EAPP: variants seen among roughly 807,000 people sequenced by gnomAD.
EAPP encodes the protein E2F-associated phosphoprotein.
A neutral mutation model predicts 34.3 loss-of-function variants in EAPP; 38 were observed. That is an observed-to-expected ratio of 1.11 (90% CI 0.85 to 1.45). The LOEUF (loss-of-function observed/expected upper bound fraction) is 1.45, where lower values mean the gene tolerates loss of function less well. Among genes scored for constraint, EAPP ranks in the 40% most tolerant of loss-of-function variants. The pLI, the probability that EAPP is intolerant of heterozygous loss-of-function variation, is 0.00. For synonymous variants in EAPP, 113 were observed against 117.6 expected (o/e 0.96, Z 0.25); for missense variants, 338 against 343.7 (o/e 0.98, Z 0.13).
intron 4 of EAPP, among the ~76,000 whole-genome samples, chr14:34,527,260 G>C (rs900015866): frequency 1.3e-5 from 2 of 151,598 alleles, no homozygotes; most frequent in African/African-American, 4.8e-5. Flanking sequence ...CTGGGGCCAG[G>C]AGTTCAAGAT....
At chr14:34,525,836 G>A (rs1313949847) in intron 4 of EAPP, among the ~76,000 whole-genome samples, 2 of 151,660 alleles carry the variant, frequency 1.3e-5, no homozygotes, top group Non-Finnish European at 2.9e-5. Context: ...TGGCCAACAT[G>A]GTGAAACCCC....
At chr14:34,531,618 T>TAAAC (rs1349020290) in intron 3 of EAPP, among the ~76,000 whole-genome samples, 1 of 151,486 alleles carries the variant, frequency 6.6e-6, no homozygotes, top group Non-Finnish European at 1.5e-5. Context: ...AATAAATAAA[T>TAAAC]AAACAAACAC....
At chr14:34,517,020 C>T (rs532258045) in intron 5 of EAPP, among the ~76,000 whole-genome samples, 2 of 150,934 alleles carry the variant, frequency 1.3e-5, no homozygotes, top group African/African-American at 4.9e-5. Flanking sequence ...TCACTGCAAG[C>T]TCCGTCTCCT....
Position 34,524,754 on chromosome 14 carries a change from C to G in EAPP, c.524G>C (p.Ser175Thr). The change falls in exon 5 of 6, where the codon AGT becomes ACT. Residue 175 changes from serine to threonine, a missense_variant. Coordinates refer to ENST00000250454, the MANE Select transcript of EAPP (RefSeq NM_018453.4). Reference sequence around the variant, plus strand: ...GGCAGGACAATTCAAGACAGCATCACTATTTGGAACAGGCTGTTGTTGACG... The same window carrying G: ...GGCAGGACAATTCAAGACAGCATCAGTATTTGGAACAGGCTGTTGTTGACG... The part of the protein sequence containing the change: ...RSRQQQPVPN[S>T]DAVLNCPACM... 1 of 1,612,698 alleles carries G rather than the reference C, an allele frequency of 6.2e-7. No individual in the cohort carries two copies. Among genetic ancestry groups the G allele is most frequent in the Non-Finnish European group, 8.5e-7 (1 of 1,179,748 alleles).
chr14:34,529,574 AT>A, intron 3 of EAPP, 99 bp from the exon 4 acceptor site: 1 of 983,924 alleles, frequency 1.0e-6, no homozygotes, highest in East Asian at 2.5e-5. Context: ...ATTTATTTAT[AT>A]TTTCCCTAAA....
intron 5 of EAPP, among the ~76,000 whole-genome samples, chr14:34,521,635 CTTTTTTTT>C (rs34835280): frequency 1.5e-5 from 2 of 129,702 alleles, no homozygotes; most frequent in Non-Finnish European, 3.2e-5. Context: ...TCCCAGATTT[CTTTTTTTT>C]TTTTTTTTTT....
rs1880196625 is a variant in EAPP at position 34,529,220 on chromosome 14, G to GT, written c.470+137dup. On this transcript the variant is annotated intron_variant, in intron 4 of 5. Transcript: ENST00000250454. Reference sequence around the variant, plus strand: ...TATTTTCAAAATAAACTACTGAGCAGTTTTTTCCTCTAACTTTTTTGTTTG... The same window carrying GT: ...TATTTTCAAAATAAACTACTGAGCAGTTTTTTTCCTCTAACTTTTTTGTTTG... 1.6e-5 allele frequency: 10 copies of GT among 640,152 alleles called. No individual in the cohort carries two copies. In the South Asian group the frequency reaches 1.9e-4, roughly 12 times the overall value. 39.7% of individuals were successfully genotyped at this position (640,152 alleles called of 1,614,324 possible).
chr14:34,539,362 C>T (rs1282273151), intron 1 of EAPP, 193 bp downstream of exon 1: 12 of 706,570 alleles, frequency 1.7e-5, no homozygotes, highest in Non-Finnish European at 3.1e-5. Context: ...TTCCTACAGG[C>T]GACATCGGCA....
chr14:34,529,364 C>T lies in EAPP; in HGVS notation c.464G>A (p.Arg155Lys). Residue 155 changes from arginine (R) to lysine (K), a missense_variant, in exon 4 of 6, where the codon AGA (arginine) becomes AAA (lysine). By Grantham distance (26) the Arg-to-Lys change is conservative. Coordinates refer to ENST00000250454, the MANE Select transcript of EAPP (RefSeq NM_018453.4). The stretch of plus-strand genomic sequence containing the variant: ...ATTAACTTTAAGTTCTTACCCCCTT[C>T]TCTGTGCATCAACCCAGGCCTGATC... Reference protein sequence around the residue: ...NRDQAWVDAQRRGYHGLGPQR... With the variant: ...NRDQAWVDAQKRGYHGLGPQR... The T allele has an allele frequency of 1.3e-6, 2 of 1,597,280 alleles. No individual in the cohort carries two copies. Among genetic ancestry groups the T allele is most frequent in the Non-Finnish European group, 1.7e-6 (2 of 1,168,056 alleles).
At chr14:34,528,482 C>T (rs1208911132) in intron 4 of EAPP, among the ~76,000 whole-genome samples, 1 of 117,296 alleles carries the variant, frequency 8.5e-6, no homozygotes, top group African/African-American at 3.4e-5. Context: ...AGTGGAGTGG[C>T]GTGATCTCAG....
chr14:34,524,408 ATATCTATC>A (rs549662648), intron 5 of EAPP, among the ~76,000 whole-genome samples: 15 of 151,706 alleles, frequency 9.9e-5, no homozygotes, highest in African/African-American at 3.1e-4. Flanking sequence ...AAACAAAACT[ATATCTATC>A]TATCTATCTA....
chr14:34,535,222 C>T (rs1188073637), intron 2 of EAPP, among the ~76,000 whole-genome samples: 1 of 150,844 alleles, frequency 6.6e-6, no homozygotes, highest in Non-Finnish European at 1.5e-5. Context: ...CTCCGCCTTC[C>T]GGGTTCAAGC....
chr14:34,532,653 C>G (rs1880334661), intron 3 of EAPP, among the ~76,000 whole-genome samples: 1 of 151,748 alleles, frequency 6.6e-6, no homozygotes, highest in South Asian at 2.1e-4. Flanking sequence ...GTGCCATGTC[C>G]TCACATGCCT....
At chr14:34,517,113 T>G (rs1178943445) in intron 5 of EAPP, among the ~76,000 whole-genome samples, 6 of 151,826 alleles carry the variant, frequency 4.0e-5, no homozygotes, top group African/African-American at 1.4e-4. Context: ...AATTTTTTTG[T>G]ATTTTTAGTA....
intron 2 of EAPP, among the ~76,000 whole-genome samples, chr14:34,534,766 C>G (rs1242876079): frequency 6.6e-6 from 1 of 151,948 alleles, no homozygotes; most frequent in Non-Finnish European, 1.5e-5. Flanking sequence ...CTTTGGGAGG[C>G]CAATGCAGGA....
chr14:34,530,174 T>C (rs553699124), intron 3 of EAPP, among the ~76,000 whole-genome samples: 2 of 151,742 alleles, frequency 1.3e-5, no homozygotes, highest in African/African-American at 4.8e-5. Flanking sequence ...CACTCCAGCC[T>C]GGGCAACAAG....
chr14:34,516,417 C>T lies in EAPP; in HGVS notation c.751G>A (p.Glu251Lys), dbSNP rs1879720945. The T allele has an allele frequency of 2.5e-6, 4 of 1,614,092 alleles. No individual in the cohort carries two copies. Among genetic ancestry groups the T allele is most frequent in the Non-Finnish European group, 3.4e-6 (4 of 1,180,044 alleles). Residue 251 changes from glutamate to lysine, a missense_variant, in exon 6 of 6, where the codon GAA becomes AAA. Physicochemically the swap from Glu to Lys is moderately conservative, Grantham distance 56. Coordinates refer to ENST00000250454, the MANE Select transcript of EAPP (RefSeq NM_018453.4). ...DAAEKAETDVEEIYHPVMCTE... is the reference protein window; with the variant it reads ...DAAEKAETDVKEIYHPVMCTE... ...CACATGACTGGGTGATAGATTTCTT[C>T]CACATCTGTCTCTGCCTTCTCGGCA...
intron 5 of EAPP, among the ~76,000 whole-genome samples, chr14:34,517,012 A>T (rs1339700720): frequency 6.8e-6 from 1 of 147,566 alleles, no homozygotes; most frequent in Non-Finnish European, 1.5e-5. Flanking sequence ...ATCTCGGCTC[A>T]CTGCAAGCTC....
Position 34,539,037 on chromosome 14 carries a change from G to A in EAPP, c.74+518C>T, listed in dbSNP as rs868445960. ...ATGATTTATCTCTGTAGCTCAGAGCGAGCATACAACAGTCCCTGTCAAAAA... is the reference window on the plus strand; with the variant it reads ...ATGATTTATCTCTGTAGCTCAGAGCAAGCATACAACAGTCCCTGTCAAAAA... On this transcript the variant is annotated intron_variant, in intron 1 of 5. Transcript: ENST00000250454. Among the ~76,000 whole-genome samples the A allele has an allele frequency of 8.5e-5, 13 of 152,246 alleles. 1 individual carries two copies. Among genetic ancestry groups the A allele is most frequent in the South Asian group, 8.3e-4 (4 of 4,832 alleles).
Sources: allele counts gnomAD v4.1 joint callset (sites outside exome capture counted in the v4.1 genomes callset), GRCh38; gene constraint gnomAD v4.1.1; transcripts MANE v1.5; gene names NCBI Gene and HGNC (gene_info 2026-07-23, HGNC 2026-07-21).